PRKN: variants seen among roughly 807,000 people sequenced by gnomAD.
The protein encoded by PRKN is parkin RBR E3 ubiquitin protein ligase.
Under a neutral mutation model 59.5 loss-of-function variants are expected in PRKN, and 56 were observed. The observed-to-expected ratio is 0.94, with a 90% CI of 0.76 to 1.18. The LOEUF (loss-of-function observed/expected upper bound fraction) is 1.18, where lower values mean the gene tolerates loss of function less well. Among genes scored for constraint, PRKN ranks in the 50% most tolerant of loss-of-function variants. The probability of loss-of-function intolerance (pLI) is 0.00; values close to 1 mark genes in which losing one functional copy is unlikely to be tolerated. For synonymous variants in PRKN, 250 were observed against 222.1 expected (o/e 1.13, Z -1.12); for missense variants, 657 against 596.4 (o/e 1.10, Z -1.06).
rs1165245673 is a variant in PRKN, at chr6:161,526,399, TACA to T, written c.1083+22452_1083+22454del. Among the ~76,000 whole-genome samples, 2 of 152,202 alleles carry T rather than the reference TACA, an allele frequency of 1.3e-5. No homozygotes were observed. Among genetic ancestry groups the T allele is most frequent in the African/African-American group, 4.8e-5 (2 of 41,458 alleles). On this transcript the variant is annotated intron_variant, in intron 9 of 11. Coordinates refer to ENST00000366898, the MANE Select transcript of PRKN (RefSeq NM_004562.3). The surrounding 1 kb of genome is among the most constrained non-coding windows in gnomAD (Gnocchi z 4.1). ...TGCTTACTTTGAAAAGTACCTAAGCTACAACAATGGGCAAAAAGTTTCTCGAAT... is the reference window on the plus strand; with the variant it reads ...TGCTTACTTTGAAAAGTACCTAAGCTACAATGGGCAAAAAGTTTCTCGAAT...
chr6:162,248,386 C>T (rs1329074902), intron 3 of PRKN, among the ~76,000 whole-genome samples: 1 of 152,168 alleles, frequency 6.6e-6, no homozygotes, highest in African/African-American at 2.4e-5. Context: ...TATTGCTGGT[C>T]ACTGTAGTAA....
At chr6:161,622,944 G>A (rs759651999) in intron 7 of PRKN, among the ~76,000 whole-genome samples, 17 of 152,206 alleles carry the variant, frequency 1.1e-4, no homozygotes, top group East Asian at 1.9e-4. Context: ...GCTCATCTGC[G>A]TTGCTCACTT....
chr6:161,724,035 T>C (rs1247551612), intron 7 of PRKN, among the ~76,000 whole-genome samples: 1 of 152,096 alleles, frequency 6.6e-6, no homozygotes, highest in African/African-American at 2.4e-5. Flanking sequence ...TGTGGGAAGG[T>C]AGATGTTTCA....
rs1562681583 is a variant in PRKN, at chr6:161,783,805, T to C, written c.871+1967A>G. 10 of 409,920 alleles carry C rather than the reference T, an allele frequency of 2.4e-5. No homozygotes were observed. In the East Asian group the frequency reaches 6.6e-4, roughly 27 times the overall value. 25.4% of individuals were successfully genotyped at this position (409,920 alleles called of 1,614,324 possible). A position where few individuals can be genotyped will look rare whatever the true frequency, so the allele number is the denominator to read the frequency against. On this transcript the variant is annotated intron_variant, in intron 7 of 11. Coordinates refer to ENST00000366898, the MANE Select transcript of PRKN (RefSeq NM_004562.3). ...AGGCACAATAACTTTCAACAAGTTT[T>C]CCTTAACAATATGTTAACATATATT...
chr6:162,388,205 G>A (rs564439527), intron 2 of PRKN, among the ~76,000 whole-genome samples: 25 of 152,232 alleles, frequency 1.6e-4, no homozygotes, highest in African/African-American at 5.1e-4. Flanking sequence ...TGTTGGCAGC[G>A]ACTCTGGGCA....
intron 5 of PRKN, among the ~76,000 whole-genome samples, chr6:162,016,290 G>A (rs527998083): frequency 6.6e-6 from 1 of 152,138 alleles, no homozygotes; most frequent in South Asian, 2.1e-4. Flanking sequence ...TGAAAATACA[G>A]GCCGATTAGA....
At chr6:162,468,584 C>T (rs964096938) in intron 1 of PRKN, among the ~76,000 whole-genome samples, 1 of 152,168 alleles carries the variant, frequency 6.6e-6, no homozygotes, top group African/African-American at 2.4e-5. Flanking sequence ...TGCAGGAATG[C>T]AGATTGGATG....
At chr6:162,180,842 C>A (rs1046800346) in intron 4 of PRKN, among the ~76,000 whole-genome samples, 1 of 152,298 alleles carries the variant, frequency 6.6e-6, no homozygotes, top group Middle Eastern at 3.4e-3. Context: ...ATCTCAATGA[C>A]TGGGCACACA....
At chr6:161,954,968 A>G (rs1001163327) in intron 6 of PRKN, among the ~76,000 whole-genome samples, 13 of 152,212 alleles carry the variant, frequency 8.5e-5, no homozygotes, top group Non-Finnish European at 1.6e-4. Context: ...AGGAGTTCAC[A>G]TGCACAATCT....
intron 1 of PRKN, among the ~76,000 whole-genome samples, chr6:162,684,878 A>G (rs1049788794): frequency 1.9e-4 from 29 of 152,356 alleles, no homozygotes; most frequent in African/African-American, 6.7e-4. Context: ...ATAAGTATTC[A>G]TTTAACTAAA....
At chr6:162,237,571 T>C (rs1297945217) in intron 3 of PRKN, among the ~76,000 whole-genome samples, 1 of 152,110 alleles carries the variant, frequency 6.6e-6, no homozygotes, top group Non-Finnish European at 1.5e-5. Context: ...ATAAGTTTGT[T>C]GAAAATACTT....
intron 1 of PRKN, among the ~76,000 whole-genome samples, chr6:162,462,766 T>G (rs898549027): frequency 3.9e-5 from 6 of 152,040 alleles, no homozygotes; most frequent in African/African-American, 1.2e-4. Context: ...AAATTAGGAG[T>G]TGAATGAAAA....
intron 5 of PRKN, among the ~76,000 whole-genome samples, chr6:161,993,226 GATAGAAGACTCAA>G (rs1781718455): frequency 6.6e-6 from 1 of 151,970 alleles, no homozygotes; most frequent in Admixed American, 6.6e-5. Context: ...CAAGAAAAAA[GATAGAAGACTCAA>G]ATAAAAAAAG....
At chr6:162,397,723 G>C (rs539916720) in intron 2 of PRKN, among the ~76,000 whole-genome samples, 24 of 152,212 alleles carry the variant, frequency 1.6e-4, no homozygotes, top group African/African-American at 5.8e-4. Flanking sequence ...TGAGGCAGAA[G>C]AGCACACTCG....
chr6:162,468,205 G>C (rs765704728), intron 1 of PRKN, among the ~76,000 whole-genome samples: 3 of 152,196 alleles, frequency 2.0e-5, no homozygotes, highest in African/African-American at 4.8e-5. Context: ...TCAATAAATA[G>C]AACATTCTCC....
intron 10 of PRKN, among the ~76,000 whole-genome samples, chr6:161,366,183 G>A (rs915669666): frequency 6.6e-6 from 1 of 152,202 alleles, no homozygotes; most frequent in Non-Finnish European, 1.5e-5. Context: ...CTTCCACTGT[G>A]AGAAGATGCA....
At chr6:162,198,858 G>C (rs1784604642) in intron 4 of PRKN, among the ~76,000 whole-genome samples, 1 of 152,038 alleles carries the variant, frequency 6.6e-6, no homozygotes, top group South Asian at 2.1e-4. Context: ...GTACCATTTA[G>C]TCCCCACAAC....
rs192922807 is a variant in PRKN at position 161,461,638 on chromosome 6, G to A, written c.1084-74761C>T. Among the ~76,000 whole-genome samples, 90 of 152,236 alleles carry A rather than the reference G, an allele frequency of 5.9e-4. No homozygotes were observed. The highest frequency in any genetic ancestry group is 2.1e-3 in the African/African-American group (87 of 41,544). On this transcript the variant is annotated intron_variant, in intron 9 of 11. Coordinates refer to ENST00000366898, the MANE Select transcript of PRKN (RefSeq NM_004562.3). The surrounding 1 kb of genome is among the most constrained non-coding windows in gnomAD (Gnocchi z 5.1). ...ATAAAAGGGTCTGGAATACATGCACGGAGGATTCTAAGTGCCACTCATTGC... is the reference window on the plus strand; with the variant it reads ...ATAAAAGGGTCTGGAATACATGCACAGAGGATTCTAAGTGCCACTCATTGC...
rs912476023 is a variant in PRKN at position 161,470,309 on chromosome 6, C to T, written c.1083+78545G>A. 6.6e-6 allele frequency among the ~76,000 whole-genome samples: 1 copy of T among 152,214 alleles called. No individual in the cohort carries two copies. The highest frequency in any genetic ancestry group is 2.4e-5 in the African/African-American group (1 of 41,448). On this transcript the variant is annotated intron_variant, in intron 9 of 11. Coordinates refer to ENST00000366898, the MANE Select transcript of PRKN (RefSeq NM_004562.3). This position sits in a 1 kb window ranked among gnomAD's most constrained non-coding sequence, Gnocchi z 5.1. ...GGTATTATTTAATGTAGTCACTCAT[C>T]TAAATCTTCATTCCCCTCTTCAACG...
Sources: allele counts gnomAD v4.1 joint callset (sites outside exome capture counted in the v4.1 genomes callset), GRCh38; gene constraint gnomAD v4.1.1; non-coding constraint Gnocchi (gnomAD v3.1); transcripts MANE v1.5; gene names NCBI Gene and HGNC (gene_info 2026-07-23, HGNC 2026-07-21).